Variants in KATNAL1 observed in about 807,000 individuals in gnomAD.
KATNAL1 encodes katanin catalytic subunit A1 like 1, also known as katanin p60 ATPase-containing subunit A-like 1.
A neutral mutation model predicts 55.2 loss-of-function variants in KATNAL1; 32 were observed. That is an observed-to-expected ratio of 0.58 (90% CI 0.44 to 0.78). The LOEUF (loss-of-function observed/expected upper bound fraction) is 0.78, where lower values mean the gene tolerates loss of function less well. KATNAL1 is among the 30% of genes least tolerant of loss of function. KATNAL1 has a pLI of 0.00. For synonymous variants in KATNAL1, 193 were observed against 193.6 expected (o/e 1.00, Z 0.02); for missense variants, 466 against 600.9 (o/e 0.78, Z 2.35).
At chr13:30,258,526 CTT>C (rs1878973889) in intron 3 of KATNAL1, among the ~76,000 whole-genome samples, 1 of 152,128 alleles carries the variant, frequency 6.6e-6, no homozygotes, top group Admixed American at 6.5e-5. Flanking sequence ...TTTTACCTCT[CTT>C]AATGGTATCT....
At chr13:30,299,544 A>C (rs1882734365) in intron 1 of KATNAL1, among the ~76,000 whole-genome samples, 1 of 152,188 alleles carries the variant, frequency 6.6e-6, no homozygotes, top group Non-Finnish European at 1.5e-5. Flanking sequence ...TTTAGTCATA[A>C]TCTTGAAACA....
intron 3 of KATNAL1, among the ~76,000 whole-genome samples, chr13:30,264,434 C>T (rs1018366764): frequency 2.1e-5 from 3 of 143,542 alleles, no homozygotes; most frequent in South Asian, 4.5e-4. Flanking sequence ...TCAGAGTGAA[C>T]AGGCAACCTA....
At chr13:30,286,583 T>C (rs1289022812) in intron 1 of KATNAL1, among the ~76,000 whole-genome samples, 1 of 152,196 alleles carries the variant, frequency 6.6e-6, no homozygotes, top group Non-Finnish European at 1.5e-5. Flanking sequence ...GGCAGGACCC[T>C]CATGGAGAAC....
chr13:30,282,053 T>A (rs1259430216), intron 2 of KATNAL1, among the ~76,000 whole-genome samples: 1 of 152,172 alleles, frequency 6.6e-6, no homozygotes, highest in East Asian at 1.9e-4. Flanking sequence ...AAAAAATTCT[T>A]TTTTAAAAGT....
At chr13:30,253,744 T>G (rs530802268) in intron 4 of KATNAL1, among the ~76,000 whole-genome samples, 3 of 152,048 alleles carry the variant, frequency 2.0e-5, no homozygotes, top group Non-Finnish European at 4.4e-5. Flanking sequence ...GAGTCACATT[T>G]AAAAACCAAC....
At chr13:30,211,883 T>C (rs746049375) in intron 9 of KATNAL1, among the ~76,000 whole-genome samples, 4 of 152,164 alleles carry the variant, frequency 2.6e-5, no homozygotes, top group Non-Finnish European at 5.9e-5. Context: ...AATAGATCAA[T>C]AGTACAGAAC....
Position 30,231,347 on chromosome 13 carries a change from T to G in KATNAL1, c.852A>C (p.Glu284Asp). The change falls in exon 7 of 11, where the codon GAA (glutamate) becomes GAC (aspartate). Residue 284 changes from glutamate (E) to aspartate (D), a missense_variant. Physicochemically the swap from Glu to Asp is conservative, Grantham distance 45. This residue lies in a region of KATNAL1 where 213 missense variants were observed against 308.6 expected (regional missense o/e 0.69). Transcript: ENST00000380615. ...ACAACAGACGAACTAACTTCTCAGA[T>G]TCACCTCTGTATTTAGATGTCAGTG... ...SSTLTSKYRG[E>D]SEKLVRLLFE... is the part of the protein sequence containing the mutation. The G allele has an allele frequency of 6.2e-7, 1 of 1,607,370 alleles. No individual in the cohort carries two copies. Among genetic ancestry groups the G allele is most frequent in the South Asian group, 1.1e-5 (1 of 88,916 alleles).
chr13:30,265,871 G>A (rs1309940855), intron 3 of KATNAL1, among the ~76,000 whole-genome samples: 1 of 151,380 alleles, frequency 6.6e-6, no homozygotes, highest in Non-Finnish European at 1.5e-5. Context: ...AATTTGCCAG[G>A]CATGGTGGCA....
At chr13:30,238,084 T>C (rs529031472) in intron 6 of KATNAL1, among the ~76,000 whole-genome samples, 2 of 152,180 alleles carry the variant, frequency 1.3e-5, no homozygotes, top group Non-Finnish European at 2.9e-5. Context: ...TGCAACCAGG[T>C]TGTTTTTCCC....
At chr13:30,245,930 C>A (rs1384370101) in intron 4 of KATNAL1, among the ~76,000 whole-genome samples, 1 of 152,158 alleles carries the variant, frequency 6.6e-6, no homozygotes, top group African/African-American at 2.4e-5. Flanking sequence ...ATTCCATGCT[C>A]ATGGATAGAA....
intron 4 of KATNAL1, among the ~76,000 whole-genome samples, chr13:30,247,002 T>C (rs1210419198): frequency 1.3e-5 from 2 of 152,228 alleles, no homozygotes; most frequent in African/African-American, 4.8e-5. Context: ...AAGCACTGGA[T>C]ATATATTAAC....
chr13:30,295,956 C>T (rs1396312905), intron 1 of KATNAL1, among the ~76,000 whole-genome samples: 1 of 151,342 alleles, frequency 6.6e-6, no homozygotes, highest in African/African-American at 2.4e-5. Flanking sequence ...GTAATCCCAA[C>T]ACTTTGGGAG....
intron 9 of KATNAL1, among the ~76,000 whole-genome samples, chr13:30,225,158 GAA>G (rs1021540715): frequency 6.6e-6 from 1 of 151,928 alleles, no homozygotes; most frequent in Non-Finnish European, 1.5e-5. Flanking sequence ...AGTCTCAGTG[GAA>G]AAAAAGAGTT....
At position 30,280,064 on chromosome 13, in the gene KATNAL1, T is replaced by A. The variant is rs746836840; in HGVS notation, c.322A>T (p.Arg108Ter). Residue 108 changes from arginine (R) to a stop codon, truncating the protein, a stop_gained and splice_region_variant, in exon 3 of 11, where the codon AGA (arginine) becomes TGA (stop). Transcript: ENST00000380615. LOFTEE classifies it high-confidence loss of function. ...AAGAGAATATAAAGTCCTATTTACC[T>A]GTGTTCTGCAGGAACAGGGGGTGGC... is the stretch of plus-strand genomic sequence containing the variant. The part of the protein sequence containing the change: ...VWPPPVPAEH[R>*]APPQIRRPNR... 2 of 1,610,164 alleles carry A rather than the reference T, an allele frequency of 1.2e-6. No individual in the cohort carries two copies. The highest frequency in any genetic ancestry group is 1.7e-5 in the Admixed American group (1 of 58,782).
chr13:30,259,411 G>A (rs1484514852), intron 3 of KATNAL1, among the ~76,000 whole-genome samples: 2 of 152,236 alleles, frequency 1.3e-5, no homozygotes, highest in Admixed American at 6.5e-5. Flanking sequence ...ACAGCTCCCA[G>A]TGTGAGCGAC....
intron 10 of KATNAL1, among the ~76,000 whole-genome samples, chr13:30,209,550 T>A (rs1021670805): frequency 6.6e-6 from 1 of 152,194 alleles, no homozygotes; most frequent in South Asian, 2.1e-4. Flanking sequence ...AGAAAAAAAA[T>A]AACTGCAGTG....
At chr13:30,288,966 C>T (rs1881967309) in intron 1 of KATNAL1, among the ~76,000 whole-genome samples, 1 of 152,198 alleles carries the variant, frequency 6.6e-6, no homozygotes, top group Non-Finnish European at 1.5e-5. Flanking sequence ...AGACTTCAAA[C>T]TTCTTACACT....
At chr13:30,271,511 G>A (rs1315488221) in intron 3 of KATNAL1, among the ~76,000 whole-genome samples, 3 of 152,088 alleles carry the variant, frequency 2.0e-5, no homozygotes, top group Non-Finnish European at 2.9e-5. Context: ...GTTGGGGGGT[G>A]CGGGCGGAAG....
intron 4 of KATNAL1, among the ~76,000 whole-genome samples, chr13:30,251,131 C>T (rs1190966207): frequency 2.3e-5 from 3 of 128,226 alleles, no homozygotes; most frequent in African/African-American, 8.7e-5. Flanking sequence ...CAGAGCAAGA[C>T]TCTGCCTCAA....
Sources: allele counts gnomAD v4.1 joint callset (sites outside exome capture counted in the v4.1 genomes callset), GRCh38; gene constraint gnomAD v4.1.1; regional missense constraint gnomAD v4.1.1; transcripts MANE v1.5; gene names NCBI Gene and HGNC (gene_info 2026-07-23, HGNC 2026-07-21).